Variants in NFU1 observed in about 807,000 individuals in gnomAD.
The protein encoded by NFU1 is NFU1 iron-sulfur cluster scaffold.
A neutral mutation model predicts 32.2 loss-of-function variants in NFU1; 30 were observed. The ratio of observed to expected loss-of-function variants is 0.93; its 90% CI spans 0.70 to 1.26. The LOEUF is 1.26. NFU1 is among the 50% of genes most tolerant of loss of function. The probability of loss-of-function intolerance (pLI) is 0.00; values close to 1 mark genes in which losing one functional copy is unlikely to be tolerated. For synonymous variants in NFU1, 112 were observed against 104.6 expected (o/e 1.07, Z -0.43); for missense variants, 306 against 306.6 (o/e 1.00, Z 0.02).
chr2:69,422,538 A>C (rs1673280570), intron 3 of NFU1, among the ~76,000 whole-genome samples: 1 of 152,194 alleles, frequency 6.6e-6, no homozygotes. Context: ...AAAATAAGCA[A>C]GTTCTCATTA....
chr2:69,431,792 G>A (rs1673646940), intron 2 of NFU1, 110 bp downstream of exon 2: 2 of 747,122 alleles, frequency 2.7e-6, no homozygotes, highest in Non-Finnish European at 4.7e-6. Flanking sequence ...TCTATCTATA[G>A]GCTTCTAAAT....
intron 1 of NFU1, among the ~76,000 whole-genome samples, chr2:69,434,256 G>A (rs772289509): frequency 1.3e-5 from 2 of 150,618 alleles, no homozygotes; most frequent in Admixed American, 6.6e-5. Flanking sequence ...GCAATTCTCC[G>A]CCTCAGCCTC....
intron 3 of NFU1, among the ~76,000 whole-genome samples, 177 bp downstream of exon 3, chr2:69,423,405 G>T (rs1673331856): frequency 7.0e-6 from 1 of 143,662 alleles, no homozygotes; most frequent in Admixed American, 7.1e-5. Flanking sequence ...CAGGTGTGAG[G>T]CACTGCAACA....
chr2:69,419,594 T>G lies in NFU1; in HGVS notation c.313A>C (p.Arg105=), dbSNP rs569145992. 43 of 1,582,042 alleles carry G rather than the reference T, an allele frequency of 2.7e-5. 2 individuals carry two copies. In the South Asian group the frequency reaches 4.8e-4, roughly 18 times the overall value. ...FRSPLARQLF[R]IEGVKSVFFG... is the part of the protein sequence containing the mutation. Reference sequence around the variant, plus strand: ...AAGACACTTTTTACTCCTTCAATCCTAAATAACTGCCTGCAAAAAAAGAAA... The same window carrying G: ...AAGACACTTTTTACTCCTTCAATCCGAAATAACTGCCTGCAAAAAAAGAAA... Residue 105 remains arginine, a synonymous_variant, in exon 4 of 8, where the codon AGG becomes CGG. Transcript: ENST00000410022.
In NFU1 at chr2:69,435,892, A is replaced by G. The variant is rs185281364; in HGVS notation, c.62+1469T>C. Among the ~76,000 whole-genome samples the G allele has an allele frequency of 2.1e-3, 311 of 149,538 alleles. 1 individual carries two copies. The highest frequency in any genetic ancestry group is 3.6e-3 in the Non-Finnish European group (246 of 67,616). On this transcript the variant is annotated intron_variant, in intron 1 of 7. Coordinates refer to ENST00000410022, the MANE Select transcript of NFU1 (RefSeq NM_001002755.4). ...CTCAGCCTCCCAACTCGCTGGGATT[A>G]CAGGCACACACCACCACGCCCAGCT...
At chr2:69,407,585 G>A (rs1406708253) in intron 5 of NFU1, among the ~76,000 whole-genome samples, 2 of 145,468 alleles carry the variant, frequency 1.4e-5, no homozygotes, top group Non-Finnish European at 3.0e-5. Flanking sequence ...GCTGACACGA[G>A]AATCACTTGA....
At chr2:69,404,978 G>A (rs1005500921) in intron 6 of NFU1, among the ~76,000 whole-genome samples, 41 of 151,948 alleles carry the variant, frequency 2.7e-4, no homozygotes, top group African/African-American at 9.9e-4. Flanking sequence ...GCTGGGCGCA[G>A]TGGCTCATGT....
intron 2 of NFU1, among the ~76,000 whole-genome samples, chr2:69,427,242 G>A (rs140371322): frequency 0.015 from 2,216 of 148,964 alleles, 50 homozygotes; most frequent in African/African-American, 0.045. Flanking sequence ...AAAATTAACC[G>A]GGCGTGGTGG....
chr2:69,421,729 G>A (rs1432726481), intron 3 of NFU1, among the ~76,000 whole-genome samples: 7 of 151,634 alleles, frequency 4.6e-5, no homozygotes, highest in East Asian at 3.9e-4. Context: ...CACCACATCC[G>A]GCTAATTTTT....
At chr2:69,418,033 C>T (rs1673113906) in intron 4 of NFU1, among the ~76,000 whole-genome samples, 1 of 152,058 alleles carries the variant, frequency 6.6e-6, no homozygotes, top group South Asian at 2.1e-4. Flanking sequence ...GCACTAGGGC[C>T]ATATCCGACA....
At chr2:69,418,221 G>A (rs1022915286) in intron 4 of NFU1, among the ~76,000 whole-genome samples, 5 of 152,186 alleles carry the variant, frequency 3.3e-5, no homozygotes, top group Admixed American at 6.5e-5. Flanking sequence ...AAAACATGGC[G>A]AAACCCTATC....
Position 69,396,213 on chromosome 2 carries a change from TG to T in NFU1, c.*32del. 1.3e-6 allele frequency: 2 copies of T among 1,567,620 alleles called. No individual in the cohort carries two copies. Among genetic ancestry groups the T allele is most frequent in the Non-Finnish European group, 1.8e-6 (2 of 1,139,394 alleles). ...ACTTGATATATATTATCAACAAGTC[TG>T]ACTGTTATGCCCAAAGAAAATCCAG... On this transcript the variant is annotated 3_prime_UTR_variant, in exon 8 of 8. Transcript: ENST00000410022.
chr2:69,416,328 T>G (rs1054726160), intron 4 of NFU1: 1 of 147,420 alleles, frequency 6.8e-6, no homozygotes, highest in Non-Finnish European at 1.5e-5. Context: ...TTAATAAAAA[T>G]TAATATTTAA....
chr2:69,438,915 C>G (rs10199254), upstream of NFU1, among the ~76,000 whole-genome samples: 1 of 132,124 alleles, frequency 7.6e-6, no homozygotes. Flanking sequence ...CACCCCCCCA[C>G]ACACACCCAT....
chr2:69,437,158 T>G, intron 1 of NFU1: 1 of 1,169,624 alleles, frequency 8.5e-7, no homozygotes, highest in Non-Finnish European at 1.2e-6. Flanking sequence ...CTCCAGAGAG[T>G]CCGCCCGGAT....
intron 1 of NFU1, among the ~76,000 whole-genome samples, chr2:69,435,262 G>C (rs997325365): frequency 1.3e-5 from 2 of 152,210 alleles, no homozygotes; most frequent in African/African-American, 2.4e-5. Context: ...GGGCAGTCTA[G>C]AGGTTAAAGG....
chr2:69,404,622 T>A (rs1262163442), intron 6 of NFU1, among the ~76,000 whole-genome samples: 2 of 124,770 alleles, frequency 1.6e-5, no homozygotes, highest in African/African-American at 3.2e-5. Flanking sequence ...CAAATTTTTT[T>A]TTTTTTTTTT....
intron 5 of NFU1, among the ~76,000 whole-genome samples, chr2:69,411,549 G>T (rs915567206): frequency 3.9e-5 from 6 of 151,974 alleles, no homozygotes; most frequent in Non-Finnish European, 8.8e-5. Context: ...ACCTAACAAA[G>T]AATTAATATT....
intron 2 of NFU1, among the ~76,000 whole-genome samples, chr2:69,431,163 G>T (rs1178849849): frequency 2.6e-5 from 4 of 151,250 alleles, no homozygotes; most frequent in Non-Finnish European, 4.4e-5. Flanking sequence ...TCTTTTTTTT[G>T]AATGTAGTTT....
Sources: allele counts gnomAD v4.1 joint callset (sites outside exome capture counted in the v4.1 genomes callset), GRCh38; gene constraint gnomAD v4.1.1; transcripts MANE v1.5; gene names NCBI Gene and HGNC (gene_info 2026-07-23, HGNC 2026-07-21).